The following SPATA7 variants were observed in gnomAD, a reference collection of about 807,000 sequenced individuals.
The protein encoded by SPATA7 is spermatogenesis-associated protein 7.
SPATA7 carries 43 observed loss-of-function variants against 51.8 expected under a neutral mutation model. The observed-to-expected ratio is 0.83, with a 90% CI of 0.65 to 1.07. The LOEUF is 1.07. Ranked by LOEUF, SPATA7 falls within the 50% of genes least tolerant of loss-of-function variation. SPATA7 has a pLI of 0.00. For synonymous variants in SPATA7, 230 were observed against 252.8 expected (o/e 0.91, Z 0.86); for missense variants, 683 against 701.3 (o/e 0.97, Z 0.30).
At chr14:88,419,643 C>T (rs1003772415) in intron 5 of SPATA7, among the ~76,000 whole-genome samples, 1 of 151,698 alleles carries the variant, frequency 6.6e-6, no homozygotes, top group African/African-American at 2.4e-5. Context: ...TCTCCTGCCT[C>T]AGCCTCCGAG....
chr14:88,412,465 C>T (rs2076368248), intron 4 of SPATA7, among the ~76,000 whole-genome samples: 2 of 152,120 alleles, frequency 1.3e-5, no homozygotes, highest in African/African-American at 4.8e-5. Flanking sequence ...AAGATGTAGG[C>T]TGTGAGAGTA....
chr14:88,417,661 C>T (rs963822058), intron 5 of SPATA7, among the ~76,000 whole-genome samples: 6 of 152,114 alleles, frequency 3.9e-5, no homozygotes, highest in African/African-American at 1.4e-4. Context: ...AATGTTAAAC[C>T]AACTTTGCAT....
rs749684956 is a variant in SPATA7, at chr14:88,469,697, G to A, written c.255-150G>A. 3.1e-6 allele frequency: 5 copies of A among 1,614,130 alleles called. No homozygotes were observed. Among genetic ancestry groups the A allele is most frequent in the East Asian group, 2.2e-5 (1 of 44,888 alleles). On this transcript the variant is annotated intron_variant, in intron 4 of 4. Transcript: ENST00000556406. The surrounding 1 kb of genome is among the most constrained non-coding windows in gnomAD (Gnocchi z 4.3). Reference sequence around the variant, plus strand: ...ACAGTGTTGTGCCTGGAACCAAGTCGTGGCCAGTACCTAAAGCTCTTCTCC... The same window carrying A: ...ACAGTGTTGTGCCTGGAACCAAGTCATGGCCAGTACCTAAAGCTCTTCTCC...
intron 4 of SPATA7, among the ~76,000 whole-genome samples, chr14:88,463,616 C>T (rs1419124916): frequency 1.3e-5 from 2 of 152,108 alleles, no homozygotes; most frequent in Non-Finnish European, 2.9e-5. Flanking sequence ...AGGGCACAAA[C>T]TAAGAAGGCT....
chr14:88,409,506 GTCTA>G (rs1235882072), intron 4 of SPATA7, among the ~76,000 whole-genome samples: 2 of 151,900 alleles, frequency 1.3e-5, no homozygotes, highest in Non-Finnish European at 2.9e-5. Flanking sequence ...CTGGCTAGTG[GTCTA>G]TCTATTTTGT....
At chr14:88,467,004 T>C (rs2077374279) in intron 4 of SPATA7, 1 of 152,096 alleles carries the variant, frequency 6.6e-6, no homozygotes. Context: ...GGAAACGGAG[T>C]AAGTCACTGG....
intron 4 of SPATA7, chr14:88,466,258 T>G (rs2077361520): frequency 6.6e-6 from 1 of 151,594 alleles, no homozygotes. Context: ...AAAATGTAAT[T>G]TTTTAATTTT....
At chr14:88,452,400 G>A (rs2077256624) in intron 3 of SPATA7, among the ~76,000 whole-genome samples, 1 of 152,170 alleles carries the variant, frequency 6.6e-6, no homozygotes, top group Admixed American at 6.5e-5. Flanking sequence ...TGTGTTCGTT[G>A]GCCTCCAGCC....
intron 4 of SPATA7, among the ~76,000 whole-genome samples, chr14:88,413,580 T>C (rs1386476784): frequency 1.3e-5 from 2 of 152,172 alleles, no homozygotes; most frequent in African/African-American, 4.8e-5. Flanking sequence ...TCCAGTAGTA[T>C]GTTGAATAAG....
rs1486850448 is a variant in SPATA7 at position 88,469,353 on chromosome 14, C to G, written c.255-494C>G. 3.6e-5 allele frequency: 29 copies of G among 799,692 alleles called. No individual in the cohort carries two copies. Among genetic ancestry groups the G allele is most frequent in the Non-Finnish European group, 5.3e-5 (27 of 513,798 alleles). The allele number at this position is 799,692 out of a possible 1,614,324, so 49.5% of individuals were successfully genotyped here. A position where few individuals can be genotyped will look rare whatever the true frequency, so the allele number is the denominator to read the frequency against. On this transcript the variant is annotated intron_variant, in intron 4 of 4. Coordinates refer to the SPATA7 transcript ENST00000556406. The surrounding 1 kb of genome is among the most constrained non-coding windows in gnomAD (Gnocchi z 4.3). ...TAATTTATAAACCTCGTTAACCCTC[C>G]CCAAAACACTTGTATTCTTTATGTT...
rs185542139 is a variant in SPATA7, at chr14:88,394,648, C to T, written c.190+1160C>T. Among the ~76,000 whole-genome samples, 183 of 152,206 alleles carry T rather than the reference C, an allele frequency of 1.2e-3. 2 individuals are homozygous for T. In the East Asian group the frequency reaches 0.023, roughly 19 times the overall value. On this transcript the variant is annotated intron_variant, in intron 3 of 11. Transcript: ENST00000393545. ...CATATAATTTTGGCGCATGTGTTTA[C>T]GTTTCACTCGGGTAAATTTATGTGT... is the stretch of plus-strand genomic sequence containing the variant.
Position 88,455,145 on chromosome 14 carries a change from A to G in SPATA7, c.*32A>G, listed in dbSNP as rs113591048. On this transcript the variant is annotated 3_prime_UTR_variant, in exon 4 of 4. Coordinates refer to the SPATA7 transcript ENST00000554802. The stretch of plus-strand genomic sequence containing the variant: ...CACAACAAATAGCATATGTTCTACT[A>G]TAGAGGTGGCCACATGAAGAGCTCT... 913 of 454,164 alleles carry G rather than the reference A, an allele frequency of 2.0e-3. 2 individuals are homozygous for G. Among genetic ancestry groups the G allele is most frequent in the Non-Finnish European group, 3.5e-3 (787 of 226,206 alleles). The allele number at this position is 454,164 out of a possible 1,614,324, so 28.1% of individuals were successfully genotyped here.
chr14:88,438,930 G>A (rs960394000), downstream of SPATA7, among the ~76,000 whole-genome samples: 4 of 152,070 alleles, frequency 2.6e-5, no homozygotes, highest in Non-Finnish European at 5.9e-5. Flanking sequence ...CACCTTTACC[G>A]TGTTCTTTTG....
intron 10 of SPATA7, among the ~76,000 whole-genome samples, chr14:88,436,394 G>A (rs978308891): frequency 6.6e-6 from 1 of 151,954 alleles, no homozygotes; most frequent in Admixed American, 6.6e-5. Flanking sequence ...CACTTTGTTG[G>A]TTATATCCTT....
chr14:88,429,743 C>T (rs1433863969), intron 8 of SPATA7, among the ~76,000 whole-genome samples: 1 of 151,886 alleles, frequency 6.6e-6, no homozygotes, highest in Admixed American at 6.6e-5. Context: ...AATGATTTTC[C>T]CCAAGACAAG....
At chr14:88,398,980 A>T (rs1244598445) in intron 4 of SPATA7, among the ~76,000 whole-genome samples, 1 of 150,824 alleles carries the variant, frequency 6.6e-6, no homozygotes. Flanking sequence ...TGAACCCAGG[A>T]GGCGGAGCTT....
At chr14:88,388,546 T>C (rs2075646691) in intron 1 of SPATA7, among the ~76,000 whole-genome samples, 1 of 141,992 alleles carries the variant, frequency 7.0e-6, no homozygotes, top group African/African-American at 3.1e-5. Flanking sequence ...TACAGTGATT[T>C]TTATACAAGG....
In SPATA7 at chr14:88,396,190, T is replaced by G. The variant is rs1489099027; in HGVS notation, c.225T>G (p.Ser75Arg). The change falls in exon 4 of 12, where the codon AGT (serine) becomes AGG (arginine). Residue 75 changes from serine (S) to arginine (R), a missense_variant. Physicochemically the swap from Ser to Arg is moderately radical, Grantham distance 110. Coordinates refer to ENST00000393545, the MANE Select transcript of SPATA7 (RefSeq NM_018418.5). ...ACTGCTCGGTTCCAGTAAGCGTGAGTACCAGCATAAAGTGTAAGTAATTTT... is the reference window on the plus strand; with the variant it reads ...ACTGCTCGGTTCCAGTAAGCGTGAGGACCAGCATAAAGTGTAAGTAATTTT... ...AVDCSVPVSV[S>R]TSIKYADQQR... 1.9e-6 allele frequency: 3 copies of G among 1,609,484 alleles called. No homozygotes were observed. Among genetic ancestry groups the G allele is most frequent in the Non-Finnish European group, 2.5e-6 (3 of 1,177,294 alleles).
chr14:88,447,349 C>G (rs958068707), intron 3 of SPATA7, among the ~76,000 whole-genome samples: 1 of 149,554 alleles, frequency 6.7e-6, no homozygotes, highest in African/African-American at 2.5e-5. Flanking sequence ...AGATCTTCCT[C>G]CATCCTTTTA....
Sources: gnomAD v4.1 joint callset for allele counts (sites outside exome capture counted in the v4.1 genomes callset) on GRCh38, gnomAD v4.1.1 for gene constraint, Gnocchi (gnomAD v3.1) non-coding constraint, MANE v1.5 for transcripts, NCBI Gene and HGNC (gene_info 2026-07-23, HGNC 2026-07-21) for gene names.